The following SLIT2 variants were observed in gnomAD, a reference collection of about 807,000 sequenced individuals.
SLIT2 encodes slit homolog 2 protein.
A neutral mutation model predicts 185.7 loss-of-function variants in SLIT2; 41 were observed. That is an observed-to-expected ratio of 0.22 (90% CI 0.17 to 0.29). The LOEUF (loss-of-function observed/expected upper bound fraction) is 0.29. Among genes scored for constraint, SLIT2 ranks in the 10% least tolerant of loss-of-function variants. The pLI is 1.00. For synonymous variants in SLIT2, 693 were observed against 680.2 expected, an observed-to-expected ratio of 1.02 and a Z score of -0.29; for missense variants, 1,571 against 1,909.0, an observed-to-expected ratio of 0.82 and a Z score of 3.30.
intron 4 of SLIT2, among the ~76,000 whole-genome samples, chr4:20,389,047 A>G (rs1359935707): frequency 6.7e-6 from 1 of 150,140 alleles, no homozygotes; most frequent in Non-Finnish European, 1.5e-5. Context: ...ACCATAGTTT[A>G]TGCTTAAAAT....
At chr4:20,614,592 A>G (rs1205870385) in intron 34 of SLIT2, among the ~76,000 whole-genome samples, 4 of 151,950 alleles carry the variant, frequency 2.6e-5, no homozygotes, top group African/African-American at 4.8e-5. Flanking sequence ...AGCCTGACCA[A>G]TATGGAGAAA....
At chr4:20,270,649 A>G (rs1281088497) in intron 4 of SLIT2, among the ~76,000 whole-genome samples, 3 of 151,974 alleles carry the variant, frequency 2.0e-5, no homozygotes, top group Admixed American at 2.0e-4. Flanking sequence ...GGGAGTAATA[A>G]CAGCTAAAGC....
intron 4 of SLIT2, among the ~76,000 whole-genome samples, chr4:20,441,637 C>A (rs1414869920): frequency 6.6e-6 from 1 of 151,740 alleles, no homozygotes; most frequent in Admixed American, 6.6e-5. Context: ...TAGTCAGCAC[C>A]CTTTCTGTCT....
intron 4 of SLIT2, among the ~76,000 whole-genome samples, chr4:20,330,257 G>A (rs573959284): frequency 6.6e-6 from 1 of 152,090 alleles, no homozygotes; most frequent in South Asian, 2.1e-4. Flanking sequence ...AGGCAACATG[G>A]CTCAAATTAG....
In SLIT2 at chr4:20,541,494, C is replaced by T; in HGVS notation, c.2018C>T (p.Ala673Val). ...ANPFNCNCYL[A>V]WLGEWLRKKR... ...CCTTTTAACTGTAACTGCTACCTGGCTTGGTTGGGAGAGTGGCTGAGAAAG... is the reference window on the plus strand; with the variant it reads ...CCTTTTAACTGTAACTGCTACCTGGTTTGGTTGGGAGAGTGGCTGAGAAAG... The change falls in exon 20 of 37, where the codon GCT (alanine) becomes GTT (valine). Residue 673 changes from alanine to valine, a missense_variant. Physicochemically the swap from Ala to Val is moderately conservative, Grantham distance 64 (BLOSUM62 0). This residue lies in a region of SLIT2 where 1,202 missense variants were observed against 1,416.4 expected (regional missense o/e 0.85). Coordinates refer to ENST00000504154, the MANE Select transcript of SLIT2 (RefSeq NM_004787.4). The T allele has an allele frequency of 3.7e-6, 6 of 1,613,938 alleles. No individual in the cohort carries two copies. The highest frequency in any genetic ancestry group is 5.1e-6 in the Non-Finnish European group (6 of 1,179,906).
At chr4:20,358,321 A>G (rs538729715) in intron 4 of SLIT2, among the ~76,000 whole-genome samples, 1 of 152,264 alleles carries the variant, frequency 6.6e-6, no homozygotes, top group South Asian at 2.1e-4. Context: ...AATAAAGCAG[A>G]TACATATTTC....
At chr4:20,444,915 C>T (rs959095598) in intron 4 of SLIT2, among the ~76,000 whole-genome samples, 5 of 152,134 alleles carry the variant, frequency 3.3e-5, no homozygotes, top group Non-Finnish European at 5.9e-5. Context: ...ACATACTTTG[C>T]GACTTAATTG....
chr4:20,327,408 C>T (rs1040510060), intron 4 of SLIT2, among the ~76,000 whole-genome samples: 5 of 151,812 alleles, frequency 3.3e-5, no homozygotes, highest in African/African-American at 9.7e-5. Context: ...TGGGGAAAAT[C>T]CTAAAAATAA....
intron 4 of SLIT2, among the ~76,000 whole-genome samples, chr4:20,362,616 AC>A (rs1046669677): frequency 6.4e-4 from 97 of 151,574 alleles, no homozygotes; most frequent in African/African-American, 2.3e-3. Flanking sequence ...GTGCTGTTTT[AC>A]TTTTTTGTAT....
At chr4:20,508,219 G>A (rs141729938) in intron 9 of SLIT2, among the ~76,000 whole-genome samples, 1 of 151,886 alleles carries the variant, frequency 6.6e-6, no homozygotes, top group African/African-American at 2.4e-5. Flanking sequence ...ATGTGAAAAC[G>A]AATAGAATAT....
At chr4:20,280,361 CA>C (rs1014658643) in intron 4 of SLIT2, among the ~76,000 whole-genome samples, 6 of 144,722 alleles carry the variant, frequency 4.1e-5, no homozygotes, top group Non-Finnish European at 9.2e-5. Context: ...AGAACAACAA[CA>C]AAAAAAAACC....
intron 11 of SLIT2, among the ~76,000 whole-genome samples, chr4:20,518,050 T>C (rs563918145): frequency 6.8e-4 from 101 of 149,382 alleles, no homozygotes; most frequent in Non-Finnish European, 1.2e-3. Flanking sequence ...CATCTAAATA[T>C]GTTTCCCTTT....
intron 4 of SLIT2, among the ~76,000 whole-genome samples, chr4:20,332,815 T>C (rs1172171516): frequency 6.6e-6 from 1 of 152,188 alleles, no homozygotes; most frequent in Non-Finnish European, 1.5e-5. Context: ...TTGTCATTGC[T>C]TTTCTTGAGT....
intron 4 of SLIT2, among the ~76,000 whole-genome samples, chr4:20,463,459 A>ATG: frequency 2.0e-5 from 1 of 50,868 alleles, no homozygotes; most frequent in Non-Finnish European, 3.9e-5. Flanking sequence ...ATATATATAT[A>ATG]TATATATATA....
intron 18 of SLIT2, among the ~76,000 whole-genome samples, chr4:20,534,959 G>A (rs1722137738): frequency 6.6e-6 from 1 of 152,110 alleles, no homozygotes; most frequent in Non-Finnish European, 1.5e-5. Flanking sequence ...GGCTAACTTG[G>A]TGCCCTTTCA....
intron 4 of SLIT2, among the ~76,000 whole-genome samples, chr4:20,343,802 T>A (rs201565295): frequency 1.0e-3 from 131 of 130,556 alleles, no homozygotes; most frequent in South Asian, 1.5e-3. Flanking sequence ...TCCTTAAAAC[T>A]AAAAAAAAAA....
At chr4:20,415,211 A>G (rs1206290357) in intron 4 of SLIT2, among the ~76,000 whole-genome samples, 1 of 152,162 alleles carries the variant, frequency 6.6e-6, no homozygotes, top group Non-Finnish European at 1.5e-5. Flanking sequence ...GGAGACAGAG[A>G]CCATCCTGGC....
intron 8 of SLIT2, among the ~76,000 whole-genome samples, chr4:20,489,381 G>A (rs1717566408): frequency 6.6e-6 from 1 of 152,154 alleles, no homozygotes; most frequent in Admixed American, 6.5e-5. Flanking sequence ...TTCAGCCATA[G>A]TTGCAAAGTA....
At chr4:20,604,325 T>C (rs1728623974) in intron 33 of SLIT2, among the ~76,000 whole-genome samples, 1 of 152,218 alleles carries the variant, frequency 6.6e-6, no homozygotes. Flanking sequence ...AAGCTTTCTT[T>C]TGAAAAATTC....
Sources: gnomAD v4.1 joint callset for allele counts (sites outside exome capture counted in the v4.1 genomes callset) on GRCh38, gnomAD v4.1.1 for gene constraint, gnomAD v4.1.1 regional missense constraint, MANE v1.5 for transcripts, NCBI Gene and HGNC (gene_info 2026-07-23, HGNC 2026-07-21) for gene names.